CNTNAP2: variants seen among roughly 807,000 people sequenced by gnomAD.
The protein encoded by CNTNAP2 is contactin associated protein 2.
CNTNAP2 carries 98 observed loss-of-function variants against 155.2 expected under a neutral mutation model. The ratio of observed to expected loss-of-function variants is 0.63; its 90% CI spans 0.54 to 0.75. The LOEUF (loss-of-function observed/expected upper bound fraction) is 0.75, where lower values mean the gene tolerates loss of function less well. Ranked by LOEUF, CNTNAP2 falls within the 30% of genes least tolerant of loss-of-function variation. The pLI is 0.00. For missense variants in CNTNAP2, 1,727 were observed against 1,688.1 expected (o/e 1.02, Z -0.40); for synonymous variants, 651 against 631.2 (o/e 1.03, Z -0.47).
chr7:148,345,172 C>T (rs1365258516), intron 21 of CNTNAP2, among the ~76,000 whole-genome samples: 1 of 152,106 alleles, frequency 6.6e-6, no homozygotes, highest in Non-Finnish European at 1.5e-5. Context: ...CTTTAACTCT[C>T]TGCGGGGTTC....
At chr7:147,555,012 C>G (rs998758518) in intron 11 of CNTNAP2, among the ~76,000 whole-genome samples, 5 of 152,186 alleles carry the variant, frequency 3.3e-5, no homozygotes, top group African/African-American at 1.2e-4. Flanking sequence ...TGCCGCCTCT[C>G]TGGATTTCCA....
chr7:147,735,932 G>T (rs922314280), intron 13 of CNTNAP2, among the ~76,000 whole-genome samples: 20 of 150,272 alleles, frequency 1.3e-4, no homozygotes, highest in African/African-American at 4.6e-4. Context: ...ACATGAGATG[G>T]GTTTCCTGAA....
chr7:148,260,574 G>A (rs931978460), intron 20 of CNTNAP2, among the ~76,000 whole-genome samples: 3 of 152,288 alleles, frequency 2.0e-5, no homozygotes, highest in South Asian at 4.1e-4. Flanking sequence ...AGTCAAACGG[G>A]AGCTGGAAAC....
intron 1 of CNTNAP2, among the ~76,000 whole-genome samples, chr7:146,662,715 T>C (rs1393305442): frequency 6.6e-6 from 1 of 152,234 alleles, no homozygotes; most frequent in East Asian, 1.9e-4. Flanking sequence ...TCCATTTTCT[T>C]TGATAATTTT....
At chr7:148,141,249 G>T (rs1805066898) in intron 16 of CNTNAP2, among the ~76,000 whole-genome samples, 1 of 152,230 alleles carries the variant, frequency 6.6e-6, no homozygotes, top group Admixed American at 6.5e-5. Flanking sequence ...AGCAAAGGGA[G>T]AAAATTCTGC....
At chr7:146,451,938 T>G (rs1796489925) in intron 1 of CNTNAP2, among the ~76,000 whole-genome samples, 1 of 150,816 alleles carries the variant, frequency 6.6e-6, no homozygotes, top group South Asian at 2.1e-4. Flanking sequence ...AGATGGAGTC[T>G]CACTCTGTCA....
At chr7:146,871,914 C>T (rs1795316791) in intron 3 of CNTNAP2, among the ~76,000 whole-genome samples, 1 of 152,054 alleles carries the variant, frequency 6.6e-6, no homozygotes, top group South Asian at 2.1e-4. Context: ...CTTGATACAT[C>T]ACATATTGCT....
intron 1 of CNTNAP2, among the ~76,000 whole-genome samples, chr7:146,679,517 A>G (rs981207940): frequency 6.6e-6 from 1 of 151,566 alleles, no homozygotes; most frequent in African/African-American, 2.4e-5. Context: ...CAACACGCCC[A>G]GCTAATTTTT....
intron 8 of CNTNAP2, among the ~76,000 whole-genome samples, chr7:147,178,168 T>C (rs897901504): frequency 6.6e-6 from 1 of 152,072 alleles, no homozygotes; most frequent in African/African-American, 2.4e-5. Flanking sequence ...GATGGAGAGA[T>C]TATTGGGTTT....
intron 9 of CNTNAP2, among the ~76,000 whole-genome samples, chr7:147,387,505 A>G (rs1796643373): frequency 6.6e-6 from 1 of 152,174 alleles, no homozygotes; most frequent in Admixed American, 6.5e-5. Context: ...GATAACATTG[A>G]TCACTTGATT....
At chr7:147,774,567 GT>G (rs1797528547) in intron 13 of CNTNAP2, among the ~76,000 whole-genome samples, 1 of 152,102 alleles carries the variant, frequency 6.6e-6, no homozygotes, top group Admixed American at 6.6e-5. Flanking sequence ...GTTAAATGAG[GT>G]CATAAGGGTA....
At chr7:146,580,778 T>C (rs1336682289) in intron 1 of CNTNAP2, among the ~76,000 whole-genome samples, 4 of 152,126 alleles carry the variant, frequency 2.6e-5, no homozygotes, top group African/African-American at 9.7e-5. Flanking sequence ...CAAGGTAAGC[T>C]GGATATTTTG....
chr7:146,381,019 C>T (rs926224358), intron 1 of CNTNAP2, among the ~76,000 whole-genome samples: 21 of 151,404 alleles, frequency 1.4e-4, no homozygotes, highest in African/African-American at 4.6e-4. Flanking sequence ...AGGATGGTCT[C>T]GATCTCCTGA....
At chr7:147,366,778 C>T (rs1796235963) in intron 9 of CNTNAP2, among the ~76,000 whole-genome samples, 1 of 46,290 alleles carries the variant, frequency 2.2e-5, no homozygotes, top group African/African-American at 7.3e-5. Flanking sequence ...GAATTTGTTG[C>T]ACGCACACAC....
At chr7:147,496,563 A>G (rs541908433) in intron 11 of CNTNAP2, 2 of 152,268 alleles carry the variant, frequency 1.3e-5, no homozygotes, top group African/African-American at 2.4e-5. Flanking sequence ...AGCTAATTTT[A>G]TATTCTCTTG....
intron 1 of CNTNAP2, among the ~76,000 whole-genome samples, chr7:146,563,580 T>C (rs1798313304): frequency 6.6e-6 from 1 of 152,198 alleles, no homozygotes. Context: ...CTTAGTAGTC[T>C]TGGTTTTCCT....
intron 8 of CNTNAP2, among the ~76,000 whole-genome samples, chr7:147,255,897 C>T (rs1804313982): frequency 6.6e-6 from 1 of 151,970 alleles, no homozygotes. Context: ...ACCACCCTGC[C>T]CAGCTAACTT....
chr7:147,721,880 G>A (rs1007707284), intron 13 of CNTNAP2, among the ~76,000 whole-genome samples: 3 of 152,042 alleles, frequency 2.0e-5, no homozygotes, highest in African/African-American at 7.2e-5. Flanking sequence ...GTCAAGTTCT[G>A]AAACACGGAC....
At chr7:147,720,751 T>A (rs1796554609) in intron 13 of CNTNAP2, among the ~76,000 whole-genome samples, 1 of 152,122 alleles carries the variant, frequency 6.6e-6, no homozygotes, top group Non-Finnish European at 1.5e-5. Context: ...CCTTTCACCT[T>A]CTGCCATGAT....
Sources: gnomAD v4.1 joint callset for allele counts (sites outside exome capture counted in the v4.1 genomes callset) on GRCh38, gnomAD v4.1.1 for gene constraint, MANE v1.5 for transcripts, NCBI Gene and HGNC (gene_info 2026-07-23, HGNC 2026-07-21) for gene names.